The following KIF22 variants were observed in gnomAD, a reference collection of about 807,000 sequenced individuals.
The protein encoded by KIF22 is kinesin-like protein KIF22.
KIF22 carries 62 observed loss-of-function variants against 73.0 expected under a neutral mutation model. The ratio of observed to expected loss-of-function variants is 0.85; its 90% CI spans 0.69 to 1.05. KIF22 has a LOEUF of 1.05. Among genes scored for constraint, KIF22 ranks in the 50% least tolerant of loss-of-function variants. The probability of loss-of-function intolerance (pLI) is 0.00; values close to 1 mark genes in which losing one functional copy is unlikely to be tolerated. For synonymous variants in KIF22, 411 were observed against 340.1 expected (o/e 1.21, Z -2.29); for missense variants, 854 against 870.1 (o/e 0.98, Z 0.23).
chr16:29,805,060 C>CGGGGGGGGGGGGGGGGGGG, intron 12 of KIF22, 34 bp downstream of exon 12: 2 of 848,148 alleles, frequency 2.4e-6, no homozygotes, highest in Non-Finnish European at 3.7e-6. Context: ...AGGGCGGGGG[C>CGGGGGGGGGGGGGGGGGGG]GGGGGAGACC....
At position 29,798,330 on chromosome 16, in the gene KIF22, ACAC is replaced by A; in HGVS notation, c.267-43_267-41del. ...CCACCCCTTACACACACACACACAC[ACAC>A]ACACACACACACACGCTAATTTCTT... On this transcript the variant is annotated intron_variant, in intron 2 of 13. Transcript: ENST00000160827. The surrounding 1 kb of genome is among the most constrained non-coding windows in gnomAD (Gnocchi z 4.1). 1.9e-6 allele frequency: 3 copies of A among 1,562,736 alleles called. No individual in the cohort carries two copies. Among genetic ancestry groups the A allele is most frequent in the Non-Finnish European group, 2.6e-6 (3 of 1,154,098 alleles).
At chr16:29,792,333 A>C in intron 1 of KIF22, 1 of 644,532 alleles carries the variant, frequency 1.6e-6, no homozygotes. Flanking sequence ...AATTGTTTAC[A>C]TGTGGCCCTC....
Position 29,803,524 on chromosome 16 carries a change from C to T in KIF22, c.1525C>T (p.Pro509Ser). The change falls in exon 10 of 14, where the codon CCC becomes TCC. Residue 509 changes from proline (P) to serine (S), a missense_variant. Physicochemically the swap from Pro to Ser is moderately conservative, Grantham distance 74. Coordinates refer to ENST00000160827, the MANE Select transcript of KIF22 (RefSeq NM_007317.3). The stretch of plus-strand genomic sequence containing the variant: ...GGCTGAGGAAAAGGAGAACCATTGT[C>T]CCACAATGCTCCGGCCCCTTTCACA... ...QKAEEKENHC[P>S]TMLRPLSHRT... 1.2e-6 allele frequency: 2 copies of T among 1,614,148 alleles called. No individual in the cohort carries two copies. The highest frequency in any genetic ancestry group is 2.2e-5 in the South Asian group (2 of 91,068).
intron 8 of KIF22, 36 bp downstream of exon 8, chr16:29,800,084 A>T (rs1363083857): frequency 6.3e-7 from 1 of 1,583,456 alleles, no homozygotes; most frequent in Admixed American, 1.8e-5. Flanking sequence ...CCCCTTCCTG[A>T]TGTATGGCTT....
intron 1 of KIF22, among the ~76,000 whole-genome samples, chr16:29,796,033 G>A (rs533595504): frequency 6.6e-6 from 1 of 152,012 alleles, no homozygotes; most frequent in African/African-American, 2.4e-5. Context: ...CACTTTGGGA[G>A]GCCAAGGCAG....
chr16:29,800,036 C>G lies in KIF22; in HGVS notation c.1268C>G (p.Ser423Cys). ...PEPMAAPASA[S>C]QKLSPLQKLS... ...CCCATGGCAGCTCCAGCCTCTGCCT[C>G]CCAGAAACTCAGGTGAGCAGTGGGG... The change falls in exon 8 of 14, where the codon TCC (serine) becomes TGC (cysteine). Residue 423 changes from serine to cysteine, a missense_variant. Physicochemically the swap from Ser to Cys is moderately radical, Grantham distance 112. Transcript: ENST00000160827. 6.2e-7 allele frequency: 1 copy of G among 1,611,958 alleles called. No homozygotes were observed. The highest frequency in any genetic ancestry group is 8.5e-7 in the Non-Finnish European group (1 of 1,179,840).
Position 29,802,762 on chromosome 16 carries a change from T to C in KIF22, c.1281-7T>C. On this transcript the variant is annotated splice_region_variant and splice_polypyrimidine_tract_variant and intron_variant, in intron 8 of 13. Coordinates refer to ENST00000160827, the MANE Select transcript of KIF22 (RefSeq NM_007317.3). ...GTAGGTGGGGAGCAACTTCTTTTTC[T>C]GCTCAGCCCCCTACAGAAGCTAAGC... 1 of 1,542,808 alleles carries C rather than the reference T, an allele frequency of 6.5e-7. No individual in the cohort carries two copies.
chr16:29,803,309 CT>C (rs1320195924), intron 9 of KIF22, 139 bp from the exon 10 acceptor site: 8 of 944,302 alleles, frequency 8.5e-6, no homozygotes, highest in Non-Finnish European at 1.3e-5. Context: ...TAGGCTCCAC[CT>C]GTCTCCTGGT....
In KIF22 at chr16:29,802,755, C is replaced by T; in HGVS notation, c.1281-14C>T. 1 of 1,540,162 alleles carries T rather than the reference C, an allele frequency of 6.5e-7. No individual in the cohort carries two copies. On this transcript the variant is annotated splice_polypyrimidine_tract_variant and intron_variant, in intron 8 of 13. Coordinates refer to ENST00000160827, the MANE Select transcript of KIF22 (RefSeq NM_007317.3). ...GGAGGAGGTAGGTGGGGAGCAACTT[C>T]TTTTTCTGCTCAGCCCCCTACAGAA...
rs781352160 is a variant in KIF22 at position 29,798,975 on chromosome 16, G to C, written c.550G>C (p.Val184Leu). ...MSYLEIYQEK[V>L]LDLLDPASGD... ...CCCTTCCCCTTCACTGCTTACACAG[G>C]TATTAGACCTCCTGGACCCTGCTTC... is the stretch of plus-strand genomic sequence containing the variant. Residue 184 changes from valine to leucine, a missense_variant and splice_region_variant, in exon 5 of 14, where the codon GTA becomes CTA. By Grantham distance (32) the Val-to-Leu change is conservative (BLOSUM62 1). Coordinates refer to ENST00000160827, the MANE Select transcript of KIF22 (RefSeq NM_007317.3). This position sits in a 1 kb window ranked among gnomAD's most constrained non-coding sequence, Gnocchi z 4.1. 1.2e-6 allele frequency: 2 copies of C among 1,614,014 alleles called. No homozygotes were observed. The highest frequency in any genetic ancestry group is 3.3e-5 in the Admixed American group (2 of 60,028).
rs567305904 is a variant in KIF22 at position 29,803,767 on chromosome 16, C to T, written c.1609+159C>T. Reference sequence around the variant, plus strand: ...CTGAGGCAGTGCTGGGGGTGCTCTGCCCTCGGGTGTTTAGGACAGTGGGAT... The same window carrying T: ...CTGAGGCAGTGCTGGGGGTGCTCTGTCCTCGGGTGTTTAGGACAGTGGGAT... On this transcript the variant is annotated intron_variant, in intron 10 of 13. Transcript: ENST00000160827. Among the ~76,000 whole-genome samples, 4 of 152,250 alleles carry T rather than the reference C, an allele frequency of 2.6e-5. No homozygotes were observed. The South Asian group carries it at 8.3e-4, about 32-fold the overall frequency.
At chr16:29,796,268 C>CAA (rs34919158) in intron 1 of KIF22, among the ~76,000 whole-genome samples, 2,919 of 99,468 alleles carry the variant, frequency 0.029, 223 homozygotes, top group African/African-American at 0.1. Flanking sequence ...AAGACTGTCT[C>CAA]AAAAAAAAAA....
rs371356040 is a variant in KIF22, at chr16:29,800,037, C to T, written c.1269C>T (p.Ser423=). 161 of 1,611,902 alleles carry T rather than the reference C, an allele frequency of 1.0e-4. 3 individuals carry two copies. The South Asian group carries it at 1.6e-3, about 16-fold the overall frequency. ...CCATGGCAGCTCCAGCCTCTGCCTC[C>T]CAGAAACTCAGGTGAGCAGTGGGGC... ...PEPMAAPASA[S]QKLSPLQKLS... The change falls in exon 8 of 14, where the codon TCC becomes TCT. Residue 423 remains serine (S), a synonymous_variant. Coordinates refer to ENST00000160827, the MANE Select transcript of KIF22 (RefSeq NM_007317.3).
chr16:29,791,337 C>A, intron 1 of KIF22: 1 of 678,432 alleles, frequency 1.5e-6, no homozygotes, highest in Non-Finnish European at 1.8e-6. Context: ...TTTGAGTTGG[C>A]AGCGTAAGAT....
rs1172822058 is a variant in KIF22, at chr16:29,804,878, G to C, written c.1742G>C (p.Ser581Thr). Reference protein sequence around the residue: ...KAEDCWELQISPELLAHGRQK... With the variant: ...KAEDCWELQITPELLAHGRQK... ...GAGGACTGCTGGGAGCTACAGATCA[G>C]CCCGGAGCTACTGGCTCATGGGCGC... The change falls in exon 12 of 14, where the codon AGC (serine) becomes ACC (threonine). Residue 581 changes from serine (S) to threonine (T), a missense_variant. By Grantham distance (58) the Ser-to-Thr change is moderately conservative (BLOSUM62 1). Coordinates refer to ENST00000160827, the MANE Select transcript of KIF22 (RefSeq NM_007317.3). The C allele has an allele frequency of 6.2e-6, 10 of 1,613,930 alleles. No homozygotes were observed. Among genetic ancestry groups the C allele is most frequent in the Non-Finnish European group, 8.5e-6 (10 of 1,179,972 alleles).
intron 1 of KIF22, among the ~76,000 whole-genome samples, chr16:29,793,433 C>CA (rs1218719032): frequency 2.6e-5 from 4 of 151,362 alleles, no homozygotes; most frequent in African/African-American, 2.4e-5. Context: ...GATTCTGTCT[C>CA]AAAAAAAAGG....
At chr16:29,804,779 G>A (rs1475714706) in intron 11 of KIF22, 35 bp from the exon 12 acceptor site, 2 of 1,534,824 alleles carry the variant, frequency 1.3e-6, no homozygotes, top group Non-Finnish European at 1.8e-6. Context: ...GCACTTGGCT[G>A]CCCTGCGTGT....
In KIF22 at chr16:29,799,466, G is replaced by A. The variant is rs984450063; in HGVS notation, c.962G>A (p.Arg321Gln). ...LNQGLPRVPYRDSKLTRLLQD... is the reference protein window; with the variant it reads ...LNQGLPRVPYQDSKLTRLLQD... ...CAGGGCCTCCCTCGTGTACCTTATC[G>A]GGACAGCAAGCTCACTCGCCTATTG... The change falls in exon 6 of 14, where the codon CGG (arginine) becomes CAG (glutamine). Residue 321 changes from arginine (R) to glutamine (Q), a missense_variant. Arg to Gln is a conservative substitution (Grantham distance 43). Coordinates refer to ENST00000160827, the MANE Select transcript of KIF22 (RefSeq NM_007317.3). The A allele has an allele frequency of 1.2e-6, 2 of 1,614,150 alleles. No homozygotes were observed. Among genetic ancestry groups the A allele is most frequent in the Non-Finnish European group, 1.7e-6 (2 of 1,180,034 alleles).
Position 29,805,163 on chromosome 16 carries a change from T to G in KIF22, c.1939T>G (p.Ser647Ala). The change falls in exon 13 of 14, where the codon TCC becomes GCC. Residue 647 changes from serine (S) to alanine (A), a missense_variant. Ser to Ala is a moderately conservative substitution (Grantham distance 99). Coordinates refer to ENST00000160827, the MANE Select transcript of KIF22 (RefSeq NM_007317.3). ...VEGITGKQME[S>A]FLKANILGLA... ...GGGCATAACGGGGAAACAGATGGAG[T>G]CCTTCCTGAAGGTGAAGTCACGGCC... is the stretch of plus-strand genomic sequence containing the variant. 5.0e-6 allele frequency: 8 copies of G among 1,613,254 alleles called. No individual in the cohort carries two copies. Among genetic ancestry groups the G allele is most frequent in the Non-Finnish European group, 6.8e-6 (8 of 1,179,930 alleles).
Sources: allele counts gnomAD v4.1 joint callset (sites outside exome capture counted in the v4.1 genomes callset), GRCh38; gene constraint gnomAD v4.1.1; non-coding constraint Gnocchi (gnomAD v3.1); transcripts MANE v1.5; gene names NCBI Gene and HGNC (gene_info 2026-07-23, HGNC 2026-07-21).